EMID1: variants seen among roughly 807,000 people sequenced by gnomAD.
EMID1 encodes EMI domain containing 1, also known as EMI domain-containing protein 1.
A neutral mutation model predicts 60.6 loss-of-function variants in EMID1; 40 were observed. The observed-to-expected ratio is 0.66, with a 90% CI of 0.51 to 0.86. The LOEUF (loss-of-function observed/expected upper bound fraction) is 0.86. EMID1 is among the 40% of genes least tolerant of loss of function. EMID1 has a pLI of 0.00. For missense variants in EMID1, 585 were observed against 597.1 expected (o/e 0.98, Z 0.21); for synonymous variants, 242 against 231.0 (o/e 1.05, Z -0.43).
chr22:29,251,279 G>A (rs937047202), intron 13 of EMID1, among the ~76,000 whole-genome samples: 13 of 150,732 alleles, frequency 8.6e-5, no homozygotes, highest in East Asian at 2.0e-4. Flanking sequence ...ATGGGGTTTC[G>A]TCATGTGGGC....
chr22:29,236,114 C>A (rs973567343), intron 12 of EMID1, among the ~76,000 whole-genome samples: 1 of 152,140 alleles, frequency 6.6e-6, no homozygotes, highest in African/African-American at 2.4e-5. Context: ...ATTATTGAGG[C>A]CCAGCATAGT....
Position 29,249,219 on chromosome 22 carries a change from C to T in EMID1, c.1120-4984C>T, listed in dbSNP as rs1385238919. On this transcript the variant is annotated intron_variant, in intron 13 of 14. Transcript: ENST00000334018. Reference sequence around the variant, plus strand: ...CTTACCTGTAAATGTTACCAGTTGTCCCCAGATGGCTTTTCTTTTTTTTTT... The same window carrying T: ...CTTACCTGTAAATGTTACCAGTTGTTCCCAGATGGCTTTTCTTTTTTTTTT... Among the ~76,000 whole-genome samples the T allele has an allele frequency of 7.9e-5, 12 of 152,140 alleles. No homozygotes were observed. The East Asian group carries it at 1.9e-3, about 24-fold the overall frequency.
At chr22:29,206,420 C>A (rs1053893165) in intron 1 of EMID1, among the ~76,000 whole-genome samples, 1 of 152,226 alleles carries the variant, frequency 6.6e-6, no homozygotes, top group East Asian at 1.9e-4. Context: ...CCCTTCTGTT[C>A]CCCTGTCCCT....
intron 1 of EMID1, among the ~76,000 whole-genome samples, chr22:29,213,248 C>T (rs2039960867): frequency 6.6e-6 from 1 of 152,182 alleles, no homozygotes. Context: ...ATCTGGTTTC[C>T]CATGTCCGGT....
intron 13 of EMID1, 151 bp downstream of exon 13, chr22:29,243,640 TC>T: frequency 2.1e-6 from 2 of 939,298 alleles, no homozygotes; most frequent in Non-Finnish European, 3.3e-6. Context: ...TTGGCAATTA[TC>T]AGCCCCAACT....
chr22:29,250,079 C>CA (rs1377465924), intron 13 of EMID1, among the ~76,000 whole-genome samples: 4 of 151,562 alleles, frequency 2.6e-5, no homozygotes, highest in Non-Finnish European at 5.9e-5. Context: ...CCTGTCTCTA[C>CA]AAAAAAAATA....
intron 13 of EMID1, among the ~76,000 whole-genome samples, chr22:29,250,767 T>TTTTTTTAG (rs2041499655): frequency 9.3e-6 from 1 of 107,884 alleles, no homozygotes; most frequent in Non-Finnish European, 1.9e-5. Context: ...TTTTTTTTTT[T>TTTTTTTAG]TAGTAGTAGT....
intron 14 of EMID1, among the ~76,000 whole-genome samples, chr22:29,257,705 C>A (rs1370240624): frequency 6.6e-6 from 1 of 152,212 alleles, no homozygotes; most frequent in Non-Finnish European, 1.5e-5. Flanking sequence ...AACCACTTTC[C>A]AGTCCTGGTC....
intron 12 of EMID1, among the ~76,000 whole-genome samples, chr22:29,237,378 A>G (rs575720728): frequency 7.0e-6 from 1 of 142,814 alleles, no homozygotes; most frequent in African/African-American, 2.8e-5. Context: ...ACAGGGTTTC[A>G]CCATGTTGGC....
chr22:29,231,646 G>A lies in EMID1; in HGVS notation c.640G>A (p.Gly214Ser), dbSNP rs895079766. The change falls in exon 7 of 15, where the codon GGC (glycine) becomes AGC (serine). Residue 214 changes from glycine (G) to serine (S), a missense_variant. Coordinates refer to ENST00000334018, the MANE Select transcript of EMID1 (RefSeq NM_133455.4). ...PGPTGPKGDAGSRGPMGMRGP... is the reference protein window; with the variant it reads ...PGPTGPKGDASSRGPMGMRGP... ...GCCCACCGGCCCCAAGGGAGATGCCGGCAGTCGGGGCCCAATGGGGATGAG... is the reference window on the plus strand; with the variant it reads ...GCCCACCGGCCCCAAGGGAGATGCCAGCAGTCGGGGCCCAATGGGGATGAG... The A allele has an allele frequency of 1.1e-5, 16 of 1,487,270 alleles. No homozygotes were observed. Among genetic ancestry groups the A allele is most frequent in the East Asian group, 5.0e-5 (2 of 39,978 alleles). 92.1% of individuals were successfully genotyped at this position (1,487,270 alleles called of 1,614,324 possible).
intron 14 of EMID1, chr22:29,255,346 G>A (rs905383105): frequency 7.3e-6 from 11 of 1,510,834 alleles, no homozygotes; most frequent in Admixed American, 4.1e-5. Flanking sequence ...CCTCCTGGAA[G>A]CCATCATCTG....
At chr22:29,236,892 G>A (rs1260956854) in intron 12 of EMID1, among the ~76,000 whole-genome samples, 16 of 150,638 alleles carry the variant, frequency 1.1e-4, no homozygotes, top group Non-Finnish European at 1.8e-4. Flanking sequence ...CGCCTCCCGG[G>A]ATCAAGCAAT....
chr22:29,206,206 C>G, intron 1 of EMID1, 67 bp downstream of exon 1: 1 of 1,145,262 alleles, frequency 8.7e-7, no homozygotes, highest in Non-Finnish European at 1.1e-6. Context: ...CCCCCACCTC[C>G]AGGAAGGGCT....
intron 3 of EMID1, among the ~76,000 whole-genome samples, chr22:29,224,478 C>A (rs2040423914): frequency 6.6e-6 from 1 of 152,188 alleles, no homozygotes; most frequent in South Asian, 2.1e-4. Flanking sequence ...GGGTTCTCCT[C>A]CGGTAGGGGT....
intron 4 of EMID1, 159 bp from the exon 5 acceptor site, chr22:29,226,331 C>A: frequency 1.4e-6 from 1 of 690,604 alleles, no homozygotes; most frequent in Non-Finnish European, 2.3e-6. Flanking sequence ...CCCCTGGACC[C>A]ACTGTGATCC....
intron 13 of EMID1, 139 bp from the exon 14 acceptor site, chr22:29,254,064 C>T (rs1382744893): frequency 2.6e-6 from 4 of 1,539,848 alleles, no homozygotes; most frequent in Non-Finnish European, 3.5e-6. Context: ...CTTGTTCTGG[C>T]TGTCCATGGA....
intron 13 of EMID1, among the ~76,000 whole-genome samples, chr22:29,253,522 C>T (rs545265152): frequency 1.7e-4 from 26 of 152,168 alleles, no homozygotes; most frequent in African/African-American, 6.0e-4. Context: ...GTGGAGGTTG[C>T]GGTGAGCTGA....
intron 6 of EMID1, chr22:29,231,373 G>T: frequency 1.2e-6 from 1 of 819,412 alleles, no homozygotes; most frequent in South Asian, 1.6e-5. Flanking sequence ...GAGGTCGGGG[G>T]GAGCTGGGAG....
Position 29,232,345 on chromosome 22 carries a change from G to A in EMID1, c.766G>A (p.Gly256Ser), listed in dbSNP as rs2040781431. 1 of 1,605,896 alleles carries A rather than the reference G, an allele frequency of 6.2e-7. No homozygotes were observed. Among genetic ancestry groups the A allele is most frequent in the Non-Finnish European group, 8.5e-7 (1 of 1,176,874 alleles). Residue 256 changes from glycine to serine, a missense_variant, in exon 8 of 15, where the codon GGC becomes AGC. Gly to Ser is a moderately conservative substitution (Grantham distance 56). Transcript: ENST00000334018. Reference sequence around the variant, plus strand: ...ACCTCCTGGGCCACCAGGGCCTCCTGGCCCCCCTGGGCCCCCAGCCCCTGT... The same window carrying A: ...ACCTCCTGGGCCACCAGGGCCTCCTAGCCCCCCTGGGCCCCCAGCCCCTGT... ...RGPPGPPGPP[G>S]PPGPPAPVGP... is the part of the protein sequence containing the mutation.
Sources: allele counts gnomAD v4.1 joint callset (sites outside exome capture counted in the v4.1 genomes callset), GRCh38; gene constraint gnomAD v4.1.1; transcripts MANE v1.5; gene names NCBI Gene and HGNC (gene_info 2026-07-23, HGNC 2026-07-21).